Variants in HPD observed in about 807,000 individuals in gnomAD.
The protein encoded by HPD is 4-hydroxyphenylpyruvate dioxygenase, also known as 4-hydroxyphenylpyruvic acid oxidase.
In HPD, 35 loss-of-function variants were observed where a neutral mutation model predicts 56.9. The observed-to-expected ratio is 0.62, with a 90% confidence interval of 0.47 to 0.82. The LOEUF (loss-of-function observed/expected upper bound fraction) is 0.82. Among genes scored for constraint, HPD ranks in the 40% least tolerant of loss-of-function variants. The pLI is 0.00. For missense variants in HPD, 442 were observed against 506.8 expected (o/e 0.87, Z 1.23); for synonymous variants, 186 against 200.2 (o/e 0.93, Z 0.60).
chr12:121,856,399 GC>G lies in HPD; in HGVS notation c.248del (p.Gly83AlafsTer5), dbSNP rs747956311. 6 of 1,613,944 alleles carry G rather than the reference GC, an allele frequency of 3.7e-6. No individual in the cohort carries two copies. The highest frequency in any genetic ancestry group is 5.1e-6 in the Non-Finnish European group (6 of 1,179,930). On this transcript the variant is annotated frameshift_variant, in exon 6 of 14. Coordinates refer to ENST00000289004, the MANE Select transcript of HPD (RefSeq NM_002150.3). LOFTEE classifies it high-confidence loss of function. ...CGTCACCGTGTTTCACCAGGTGATC[GC>G]CCATCTCTGTGGCCGGCAGGGAGAG... ...SALNPWNKEM[G>X]DHLVKHGDGV...
chr12:121,867,828 G>T (rs1878365633), upstream of HPD, among the ~76,000 whole-genome samples: 1 of 152,078 alleles, frequency 6.6e-6, no homozygotes, highest in African/African-American at 2.4e-5. Flanking sequence ...GACACCACTG[G>T]CTAAATTTTT....
chr12:121,857,766 G>A lies in HPD; in HGVS notation c.84C>T (p.Asn28=), dbSNP rs1441672343. ...HFHSVTFWVG[N]AKQATSFYCS... is the part of the protein sequence containing the mutation. The stretch of plus-strand genomic sequence containing the variant: ...TTGCCCCGGCTTCTACCTGCTTGGC[G>A]TTGCCAACCCAGAAGGTCACAGAGT... Residue 28 remains asparagine, a synonymous_variant, in exon 3 of 14, where the codon AAC becomes AAT. Coordinates refer to ENST00000289004, the MANE Select transcript of HPD (RefSeq NM_002150.3). 61 of 1,613,716 alleles carry A rather than the reference G, an allele frequency of 3.8e-5. No individual in the cohort carries two copies. Among genetic ancestry groups the A allele is most frequent in the Non-Finnish European group, 4.7e-5 (56 of 1,179,764 alleles).
chr12:121,853,156 C>T (rs1241208400), intron 7 of HPD, among the ~76,000 whole-genome samples: 1 of 152,028 alleles, frequency 6.6e-6, no homozygotes, highest in Non-Finnish European at 1.5e-5. Context: ...CGGGGAACAA[C>T]AGACACTAGG....
chr12:121,885,690 C>A, the HPD span, among the ~76,000 whole-genome samples: 1 of 150,424 alleles, frequency 6.6e-6, no homozygotes, highest in Non-Finnish European at 1.5e-5. Flanking sequence ...TGGCCAGGTG[C>A]GGTGGCTCAC....
At chr12:121,858,622 T>C in intron 2 of HPD, 65 bp downstream of exon 2, 1 of 1,472,370 alleles carries the variant, frequency 6.8e-7, no homozygotes, top group Non-Finnish European at 9.5e-7. Context: ...GAAACCCCAG[T>C]CTCCCTGCAC....
intron 12 of HPD, among the ~76,000 whole-genome samples, chr12:121,841,074 C>A (rs111773380): frequency 1.7e-4 from 26 of 151,884 alleles, no homozygotes; most frequent in Non-Finnish European, 3.5e-4. Flanking sequence ...TGGTGGCACA[C>A]GCCTGTTATC....
the HPD span, among the ~76,000 whole-genome samples, chr12:121,886,684 A>G: frequency 6.6e-6 from 1 of 152,120 alleles, no homozygotes; most frequent in Non-Finnish European, 1.5e-5. Context: ...TCGTTCCAAT[A>G]AAGATAAAAG....
chr12:121,877,631 G>A, the HPD span, among the ~76,000 whole-genome samples: 49,255 of 151,962 alleles, frequency 0.32, 9,700 homozygotes, highest in East Asian at 0.57. Flanking sequence ...TACTCAGGAG[G>A]CTGAGGCACC....
the HPD span, among the ~76,000 whole-genome samples, chr12:121,883,222 GT>G: frequency 6.7e-6 from 1 of 148,656 alleles, no homozygotes; most frequent in African/African-American, 2.5e-5. Context: ...GTGTGTGTGT[GT>G]GTGTGTGTGT....
chr12:121,876,500 G>A, the HPD span, among the ~76,000 whole-genome samples: 1 of 152,088 alleles, frequency 6.6e-6, no homozygotes, highest in African/African-American at 2.4e-5. Flanking sequence ...GTACATCAAA[G>A]GGCTTTTCCT....
In HPD at chr12:121,843,696, T is replaced by C. The variant is rs200866898; in HGVS notation, c.954+14A>G. On this transcript the variant is annotated intron_variant, in intron 12 of 13. Coordinates refer to ENST00000289004, the MANE Select transcript of HPD (RefSeq NM_002150.3). ...ACTCCCCCCACAAGGCTGCGGATCCTGCCTGGGCCTCACCTCCAGGGCATC... is the reference window on the plus strand; with the variant it reads ...ACTCCCCCCACAAGGCTGCGGATCCCGCCTGGGCCTCACCTCCAGGGCATC... 10 of 1,613,984 alleles carry C rather than the reference T, an allele frequency of 6.2e-6. No individual in the cohort carries two copies. The highest frequency in any genetic ancestry group is 8.5e-6 in the Non-Finnish European group (10 of 1,179,946).
chr12:121,852,595 G>T (rs371747566), intron 7 of HPD, among the ~76,000 whole-genome samples: 21 of 139,646 alleles, frequency 1.5e-4, no homozygotes, highest in African/African-American at 6.0e-4. Flanking sequence ...TGTTCTAAGT[G>T]CTATACACAA....
intron 7 of HPD, among the ~76,000 whole-genome samples, chr12:121,850,279 G>A (rs1877722089): frequency 1.3e-5 from 2 of 151,720 alleles, no homozygotes; most frequent in Admixed American, 1.3e-4. Context: ...AAAATTAGCC[G>A]GGTGTGGTGG....
At chr12:121,846,823 G>C (rs1295850425) in intron 11 of HPD, 39 bp downstream of exon 11, 1 of 1,598,230 alleles carries the variant, frequency 6.3e-7, no homozygotes, top group Non-Finnish European at 8.6e-7. Context: ...CCCTGGCTCT[G>C]AATGAGAGAG....
chr12:121,870,155 C>A, the HPD span, among the ~76,000 whole-genome samples: 1 of 151,840 alleles, frequency 6.6e-6, no homozygotes, highest in Non-Finnish European at 1.5e-5. Flanking sequence ...CAGATGGTTA[C>A]CTCTGGAGGC....
chr12:121,880,041 G>A, the HPD span, among the ~76,000 whole-genome samples: 2 of 151,900 alleles, frequency 1.3e-5, no homozygotes, highest in Non-Finnish European at 2.9e-5. Context: ...CAGCTATTGG[G>A]GAGGCTGAGG....
chr12:121,880,756 T>C, the HPD span, among the ~76,000 whole-genome samples: 1 of 152,138 alleles, frequency 6.6e-6, no homozygotes, highest in African/African-American at 2.4e-5. Context: ...CCTTCCAACA[T>C]GCTAGGATTA....
At chr12:121,856,265 T>C in intron 6 of HPD, 59 bp downstream of exon 6, 5 of 1,343,212 alleles carry the variant, frequency 3.7e-6, no homozygotes, top group Non-Finnish European at 5.4e-6. Context: ...CCCTGACTGA[T>C]GGGGTCCCCA....
At chr12:121,879,482 G>GTTCTGTTCTCTTCTC in the HPD span, among the ~76,000 whole-genome samples, 10,452 of 147,934 alleles carry the variant, frequency 0.071, 740 homozygotes, top group African/African-American at 0.17. Context: ...TTTCTCTTCT[G>GTTCTGTTCTCTTCTC]TTCTCTTCTC....
Sources: gnomAD v4.1 joint callset for allele counts (sites outside exome capture counted in the v4.1 genomes callset) on GRCh38, gnomAD v4.1.1 for gene constraint, MANE v1.5 for transcripts, NCBI Gene and HGNC (gene_info 2026-07-23, HGNC 2026-07-21) for gene names.